Variants in ATG16L2 observed in about 807,000 individuals in gnomAD.
ATG16L2 encodes protein Atg16l2.
In ATG16L2, 77 loss-of-function variants were observed where a neutral mutation model predicts 84.7. That is an observed-to-expected ratio of 0.91 (90% CI 0.76 to 1.10). The LOEUF is 1.10. ATG16L2 is among the 50% of genes least tolerant of loss of function. The pLI is 0.00. For missense variants in ATG16L2, 782 were observed against 817.6 expected (o/e 0.96, Z 0.53); for synonymous variants, 361 against 342.8 (o/e 1.05, Z -0.59).
rs771967114 is a variant in ATG16L2, at chr11:72,828,401, C to T, written c.1515C>T (p.Val505=). Residue 505 remains valine (V), a synonymous_variant, in exon 15 of 18, where the codon GTC becomes GTT. Transcript: ENST00000321297. ...AGGTCATCCCTGTGCAGGGCCGGGT[C>T]ACCTCCCTGAGCCTCAGCCACGACC... The part of the protein sequence containing the change: ...CTQVIPVQGR[V]TSLSLSHDQL... 1.9e-6 allele frequency: 3 copies of T among 1,614,200 alleles called. No homozygotes were observed. Among genetic ancestry groups the T allele is most frequent in the Non-Finnish European group, 2.5e-6 (3 of 1,180,036 alleles).
At chr11:72,841,041 G>T (rs1433579780) in intron 5 of ATG16L2, 10 of 1,045,254 alleles carry the variant, frequency 9.6e-6, no homozygotes, top group Non-Finnish European at 1.5e-5. Context: ...GGTGGCTTGA[G>T]CCTGTAATCC....
chr11:72,821,906 G>A (rs1860015900), intron 4 of ATG16L2, 138 bp from the exon 5 acceptor site: 7 of 1,421,796 alleles, frequency 4.9e-6, no homozygotes, highest in Middle Eastern at 5.2e-4. Flanking sequence ...TGAGGGCGAA[G>A]GCTTGGGGGA....
Position 72,821,734 on chromosome 11 carries a change from C to A in ATG16L2, c.385C>A (p.Gln129Lys), listed in dbSNP as rs1047035864. The A allele has an allele frequency of 4.6e-6, 7 of 1,523,470 alleles. No homozygotes were observed. The highest frequency in any genetic ancestry group is 6.2e-6 in the Non-Finnish European group (7 of 1,135,436). 94.4% of individuals were successfully genotyped at this position (1,523,470 alleles called of 1,614,324 possible). A position where few individuals can be genotyped will look rare whatever the true frequency, so the allele number is the denominator to read the frequency against. ...GTLESELQQR[Q>K]SRLAALEARV... Reference sequence around the variant, plus strand: ...GCTGGAGTCGGAGCTGCAGCAGAGGCAAAGCAGGTGAGGCGCGGGCGGGGG... The same window carrying A: ...GCTGGAGTCGGAGCTGCAGCAGAGGAAAAGCAGGTGAGGCGCGGGCGGGGG... The change falls in exon 4 of 18, where the codon CAA (glutamine) becomes AAA (lysine). Residue 129 changes from glutamine (Q) to lysine (K), a missense_variant. By Grantham distance (53) the Gln-to-Lys change is moderately conservative (BLOSUM62 1). Coordinates refer to ENST00000321297, the MANE Select transcript of ATG16L2 (RefSeq NM_033388.2).
intron 11 of ATG16L2, 49 bp from the exon 12 acceptor site, chr11:72,826,460 GGCCCGAAGA>G: frequency 1.2e-6 from 2 of 1,604,216 alleles, no homozygotes; most frequent in Non-Finnish European, 1.7e-6. Context: ...CTCATTCTGT[GGCCCGAAGA>G]ATGTTGCCTC....
intron 1 of ATG16L2, chr11:72,816,241 GA>G (rs1341944391): frequency 1.3e-5 from 2 of 153,230 alleles, no homozygotes; most frequent in Non-Finnish European, 2.9e-5. Context: ...CGGCCTCCCA[GA>G]GCGCTGGGAA....
intron 15 of ATG16L2, 98 bp downstream of exon 15, chr11:72,828,606 C>T (rs553822620): frequency 6.9e-6 from 11 of 1,592,394 alleles, no homozygotes; most frequent in Non-Finnish European, 9.4e-6. Flanking sequence ...CCTGGAGGCC[C>T]CTCCAGACCA....
At chr11:72,837,465 G>GA (rs377583611) in intron 5 of ATG16L2, 11,390 of 128,270 alleles carry the variant, frequency 0.089, 518 homozygotes, top group Middle Eastern at 0.18. Context: ...CTTAACCAAG[G>GA]AAAAAAAAAA....
chr11:72,821,827 G>C, intron 4 of ATG16L2, 86 bp downstream of exon 4: 3 of 1,484,482 alleles, frequency 2.0e-6, no homozygotes, highest in Non-Finnish European at 2.7e-6. Flanking sequence ...GGAATGGCGC[G>C]GGCCGAGATC....
downstream of ATG16L2, among the ~76,000 whole-genome samples, chr11:72,831,390 C>T (rs891367748): frequency 6.6e-6 from 1 of 152,192 alleles, no homozygotes; most frequent in African/African-American, 2.4e-5. Context: ...CCTGTAATCC[C>T]AGCTACTTGG....
At chr11:72,841,856 T>C (rs543608961) in intron 5 of ATG16L2, among the ~76,000 whole-genome samples, 3 of 152,330 alleles carry the variant, frequency 2.0e-5, no homozygotes, top group African/African-American at 7.2e-5. Context: ...TAGGGTTCTA[T>C]TGAAAATGTA....
chr11:72,824,176 C>A (rs2135106850), intron 8 of ATG16L2, 54 bp downstream of exon 8: 1 of 1,608,854 alleles, frequency 6.2e-7, no homozygotes, highest in Middle Eastern at 1.7e-4. Flanking sequence ...GCTCCCCAGC[C>A]CAGGCTTGGT....
chr11:72,821,523 G>A lies in ATG16L2; in HGVS notation c.319-145G>A, dbSNP rs775525969. 9.7e-6 allele frequency: 14 copies of A among 1,445,146 alleles called. No individual in the cohort carries two copies. The South Asian group carries it at 2.0e-4, about 21-fold the overall frequency. 89.5% of individuals were successfully genotyped at this position (1,445,146 alleles called of 1,614,324 possible). ...CAAACAGCAGCGCGTCCCTGTGCAA[G>A]GTCCCAAACCTGTGTGGGGCTCAGC... On this transcript the variant is annotated intron_variant, in intron 3 of 17. Coordinates refer to ENST00000321297, the MANE Select transcript of ATG16L2 (RefSeq NM_033388.2).
At chr11:72,821,068 A>C in intron 3 of ATG16L2, 1 of 292,624 alleles carries the variant, frequency 3.4e-6, no homozygotes, top group Non-Finnish European at 5.1e-6. Flanking sequence ...GGGGTGGGGA[A>C]CAGAACTCAC....
rs755822391 is a variant in ATG16L2 at position 72,821,645 on chromosome 11, C to T, written c.319-23C>T. On this transcript the variant is annotated intron_variant, in intron 3 of 17. Coordinates refer to ENST00000321297, the MANE Select transcript of ATG16L2 (RefSeq NM_033388.2). ...AGGCCTGGAGGGGCCTCAGCGCCGC[C>T]GTGCCCACCTGTCCGCCCCCAGATG... 2.6e-4 allele frequency: 390 copies of T among 1,527,224 alleles called. 1 individual carries two copies. Among genetic ancestry groups the T allele is most frequent in the Admixed American group, 4.4e-4 (22 of 49,848 alleles). The allele number at this position is 1,527,224 out of a possible 1,614,324, so 94.6% of individuals were successfully genotyped here.
chr11:72,816,664 T>C (rs1233872348), intron 1 of ATG16L2, 64 bp from the exon 2 acceptor site: 2 of 1,351,168 alleles, frequency 1.5e-6, no homozygotes, highest in East Asian at 4.6e-5. Flanking sequence ...CGGAGATAAA[T>C]TGCATGCCAG....
rs772863057 is a variant in ATG16L2 at position 72,828,422 on chromosome 11, C to T, written c.1536C>T (p.His512=). The T allele has an allele frequency of 1.3e-5, 21 of 1,614,068 alleles. No individual in the cohort carries two copies. The highest frequency in any genetic ancestry group is 9.9e-5 in the South Asian group (9 of 91,082). The change falls in exon 15 of 18, where the codon CAC becomes CAT. Residue 512 remains histidine, a synonymous_variant. Transcript: ENST00000321297. ...GGGTCACCTCCCTGAGCCTCAGCCA[C>T]GACCAACTGCACCTGCTCAGCTGTT... ...QGRVTSLSLS[H]DQLHLLSCSR...
At chr11:72,832,903 A>G (rs1207458739), downstream of ATG16L2, among the ~76,000 whole-genome samples, 2 of 152,220 alleles carry the variant, frequency 1.3e-5, no homozygotes, top group Non-Finnish European at 2.9e-5. Context: ...CCAGGCGCTC[A>G]TATCCCCACC....
intron 3 of ATG16L2, 151 bp from the exon 4 acceptor site, chr11:72,821,517 G>A: frequency 6.9e-7 from 1 of 1,442,026 alleles, no homozygotes. Flanking sequence ...GCGCGTCCCT[G>A]TGCAAGGTCC....
chr11:72,825,774 GT>G (rs1860312211), intron 10 of ATG16L2, among the ~76,000 whole-genome samples: 1 of 152,136 alleles, frequency 6.6e-6, no homozygotes, highest in Admixed American at 6.5e-5. Context: ...CAGAACTCAG[GT>G]AAGAGACAAG....
Sources: gnomAD v4.1 joint callset for allele counts (sites outside exome capture counted in the v4.1 genomes callset) on GRCh38, gnomAD v4.1.1 for gene constraint, MANE v1.5 for transcripts, NCBI Gene and HGNC (gene_info 2026-07-23, HGNC 2026-07-21) for gene names.